The following RPH3AL variants were observed in gnomAD, a reference collection of about 807,000 sequenced individuals.
The protein encoded by RPH3AL is rabphilin 3A like (without C2 domains), also known as rab effector Noc2.
A neutral mutation model predicts 43.1 loss-of-function variants in RPH3AL; 38 were observed. The observed-to-expected ratio is 0.88, with a 90% CI of 0.68 to 1.15. The LOEUF (loss-of-function observed/expected upper bound fraction) is 1.15. RPH3AL is among the 50% of genes most tolerant of loss of function. The pLI is 0.00. For missense variants in RPH3AL, 462 were observed against 423.2 expected (o/e 1.09, Z -0.81); for synonymous variants, 189 against 176.3 (o/e 1.07, Z -0.57).
chr17:265,226 G>A (rs1410392998), intron 6 of RPH3AL, among the ~76,000 whole-genome samples: 4 of 152,052 alleles, frequency 2.6e-5, no homozygotes, highest in East Asian at 1.9e-4. Context: ...AGCTGGGACT[G>A]CAGGCGCATG....
intron 6 of RPH3AL, among the ~76,000 whole-genome samples, chr17:250,488 G>T (rs1431087050): frequency 9.2e-6 from 1 of 108,444 alleles, no homozygotes; most frequent in African/African-American, 3.6e-5. Flanking sequence ...GGGACCTCTC[G>T]GGGCCTTTAC....
chr17:343,167 T>A (rs1210533880), intron 1 of RPH3AL, among the ~76,000 whole-genome samples: 2 of 152,206 alleles, frequency 1.3e-5, no homozygotes, highest in East Asian at 3.8e-4. Context: ...TGCCTGTTCC[T>A]GCTCCCCACA....
chr17:247,035 G>C lies in RPH3AL; in HGVS notation c.613+76C>G, dbSNP rs1202243236. ...ATGGAGGGTGCGGGGGACTGGCCTTGTGCCTGCAAACTGCCGGGCTGGCTA... is the reference window on the plus strand; with the variant it reads ...ATGGAGGGTGCGGGGGACTGGCCTTCTGCCTGCAAACTGCCGGGCTGGCTA... On this transcript the variant is annotated intron_variant, in intron 7 of 9. Coordinates refer to ENST00000331302, the MANE Select transcript of RPH3AL (RefSeq NM_006987.4). 7 of 1,532,138 alleles carry C rather than the reference G, an allele frequency of 4.6e-6. No individual in the cohort carries two copies. In the East Asian group the frequency reaches 1.1e-4, roughly 25 times the overall value. The allele number at this position is 1,532,138 out of a possible 1,614,324, so 94.9% of individuals were successfully genotyped here.
chr17:310,640 G>A (rs2043621352), intron 5 of RPH3AL, among the ~76,000 whole-genome samples: 1 of 152,176 alleles, frequency 6.6e-6, no homozygotes, highest in Admixed American at 6.5e-5. Context: ...CCGTGTTAGA[G>A]CCCTTCCAGC....
chr17:223,325 G>C (rs192262535), intron 7 of RPH3AL, among the ~76,000 whole-genome samples: 7 of 152,146 alleles, frequency 4.6e-5, no homozygotes, highest in African/African-American at 1.7e-4. Flanking sequence ...AACAGCACAG[G>C]AAGGTCTGGA....
At chr17:278,307 GGCCTCC>G (rs2042704332) in intron 6 of RPH3AL, among the ~76,000 whole-genome samples, 1 of 152,156 alleles carries the variant, frequency 6.6e-6, no homozygotes, top group South Asian at 2.1e-4. Context: ...GTGATTGTGA[GGCCTCC>G]CCAGCCATGT....
In RPH3AL at chr17:264,267, C is replaced by T. The variant is rs1157741027; in HGVS notation, c.439-16982G>A. 6.6e-6 allele frequency among the ~76,000 whole-genome samples: 1 copy of T among 151,040 alleles called. No homozygotes were observed. The highest frequency in any genetic ancestry group is 6.6e-5 in the Admixed American group (1 of 15,232). On this transcript the variant is annotated intron_variant, in intron 6 of 9. Coordinates refer to ENST00000331302, the MANE Select transcript of RPH3AL (RefSeq NM_006987.4). This position sits in a 1 kb window ranked among gnomAD's most constrained non-coding sequence, Gnocchi z 4.8. Reference sequence around the variant, plus strand: ...AGTTCTGGCTGACAGCAGGATTACCCTTCGGAGCCGCGAGCGCTGGATGGG... The same window carrying T: ...AGTTCTGGCTGACAGCAGGATTACCTTTCGGAGCCGCGAGCGCTGGATGGG...
chr17:316,542 C>T (rs1402302389), intron 5 of RPH3AL, among the ~76,000 whole-genome samples: 2 of 146,134 alleles, frequency 1.4e-5, no homozygotes, highest in Non-Finnish European at 3.0e-5. Context: ...CCTGTGACTC[C>T]ACCTCCACTG....
At chr17:330,321 C>G (rs982189158) in intron 2 of RPH3AL, among the ~76,000 whole-genome samples, 1 of 152,190 alleles carries the variant, frequency 6.6e-6, no homozygotes, top group Non-Finnish European at 1.5e-5. Context: ...AACAGCCAAG[C>G]GTGGAAATCC....
At chr17:340,101 C>T (rs2045070759) in intron 1 of RPH3AL, among the ~76,000 whole-genome samples, 1 of 152,062 alleles carries the variant, frequency 6.6e-6, no homozygotes, top group Non-Finnish European at 1.5e-5. Context: ...AGGTGTCACC[C>T]AGACCTCCTC....
chr17:261,357 T>C (rs185386886), intron 6 of RPH3AL, among the ~76,000 whole-genome samples: 2 of 152,300 alleles, frequency 1.3e-5, no homozygotes, highest in Non-Finnish European at 1.5e-5. Context: ...TTCCTCTCTC[T>C]CTCTGCCATG....
At chr17:314,405 TGCCCC>T (rs879354385) in intron 5 of RPH3AL, among the ~76,000 whole-genome samples, 11,056 of 151,752 alleles carry the variant, frequency 0.073, 797 homozygotes, top group African/African-American at 0.18. Flanking sequence ...CAAGTCTCTG[TGCCCC>T]ACCTCCACTG....
chr17:238,529 C>A (rs770797085), intron 7 of RPH3AL, among the ~76,000 whole-genome samples: 2 of 152,198 alleles, frequency 1.3e-5, no homozygotes, highest in Non-Finnish European at 2.9e-5. Flanking sequence ...CTTTATCGTT[C>A]TTCCTTTCTT....
At chr17:316,434 C>A (rs546253181) in intron 5 of RPH3AL, among the ~76,000 whole-genome samples, 33 of 150,548 alleles carry the variant, frequency 2.2e-4, no homozygotes, top group African/African-American at 7.9e-4. Flanking sequence ...CTCCATTGAC[C>A]TGTAGTCTCT....
At chr17:308,049 G>A (rs1047499176) in intron 5 of RPH3AL, among the ~76,000 whole-genome samples, 3 of 152,174 alleles carry the variant, frequency 2.0e-5, no homozygotes, top group Admixed American at 6.5e-5. Flanking sequence ...GACTTTTTCC[G>A]GGAATTTAGG....
chr17:272,646 C>T (rs1026756924), intron 6 of RPH3AL, among the ~76,000 whole-genome samples: 7 of 149,180 alleles, frequency 4.7e-5, no homozygotes, highest in African/African-American at 1.7e-4. Flanking sequence ...AGGAGATATA[C>T]CTAATGCTAA....
chr17:243,031 ATTGAATACCATCCTCTATTGATTAC>A (rs1555537842), intron 7 of RPH3AL, among the ~76,000 whole-genome samples: 1 of 108,722 alleles, frequency 9.2e-6, no homozygotes, highest in Non-Finnish European at 1.9e-5. Flanking sequence ...ACCTTCCTCT[ATTGAATACCATCCTCTATTGATTAC>A]CCTTCCTCTA....
At chr17:291,822 C>G (rs932831064) in intron 5 of RPH3AL, among the ~76,000 whole-genome samples, 9 of 152,196 alleles carry the variant, frequency 5.9e-5, no homozygotes, top group Non-Finnish European at 1.5e-5. Flanking sequence ...GTCTGCATAG[C>G]AGGGCGCTCC....
chr17:343,831 G>C (rs576778251), intron 1 of RPH3AL, among the ~76,000 whole-genome samples: 1 of 152,276 alleles, frequency 6.6e-6, no homozygotes, highest in South Asian at 2.1e-4. Flanking sequence ...CACTGGAGTT[G>C]AGAAAACCTG....
Sources: allele counts gnomAD v4.1 joint callset (sites outside exome capture counted in the v4.1 genomes callset), GRCh38; gene constraint gnomAD v4.1.1; non-coding constraint Gnocchi (gnomAD v3.1); transcripts MANE v1.5; gene names NCBI Gene and HGNC (gene_info 2026-07-23, HGNC 2026-07-21).